The following NR3C1 variants were observed in gnomAD, a reference collection of about 807,000 sequenced individuals.
NR3C1 encodes glucocorticoid receptor.
NR3C1 carries 14 observed loss-of-function variants against 74.0 expected under a neutral mutation model. The ratio of observed to expected loss-of-function variants is 0.19; its 90% CI spans 0.12 to 0.30. The LOEUF (loss-of-function observed/expected upper bound fraction) is 0.30, where lower values mean the gene tolerates loss of function less well. Ranked by LOEUF, NR3C1 falls within the 10% of genes least tolerant of loss-of-function variation. The pLI, the probability that NR3C1 is intolerant of heterozygous loss-of-function variation, is 1.00. For missense variants in NR3C1, 695 were observed against 909.8 expected (o/e 0.76, Z 3.04); for synonymous variants, 308 against 332.5 (o/e 0.93, Z 0.80).
At chr5:143,294,966 A>G (rs1172735069) in intron 7 of NR3C1, 6 of 985,302 alleles carry the variant, frequency 6.1e-6, no homozygotes, top group African/African-American at 3.5e-5. Context: ...CATTTTCTAG[A>G]TAATGAATCT....
intron 1 of NR3C1, among the ~76,000 whole-genome samples, chr5:143,420,876 T>C (rs1349009400): frequency 6.6e-6 from 1 of 152,222 alleles, no homozygotes; most frequent in Non-Finnish European, 1.5e-5. Context: ...TTGGATATTT[T>C]ACACATTTTA....
At chr5:143,395,994 A>T (rs1343320594) in intron 2 of NR3C1, among the ~76,000 whole-genome samples, 1 of 151,936 alleles carries the variant, frequency 6.6e-6, no homozygotes, top group East Asian at 1.9e-4. Flanking sequence ...TCTTTCATAA[A>T]ATGTATAAAC....
chr5:143,384,022 C>T (rs965157186), intron 2 of NR3C1, among the ~76,000 whole-genome samples: 1 of 152,176 alleles, frequency 6.6e-6, no homozygotes, highest in Non-Finnish European at 1.5e-5. Context: ...TACAGTTCCA[C>T]AGGCTTCAAA....
intron 5 of NR3C1, among the ~76,000 whole-genome samples, chr5:143,299,567 T>A (rs1317400827): frequency 6.6e-6 from 1 of 152,132 alleles, no homozygotes; most frequent in Non-Finnish European, 1.5e-5. Flanking sequence ...TAACAATAAT[T>A]TACTTTATAT....
intron 2 of NR3C1, among the ~76,000 whole-genome samples, chr5:143,327,033 T>C (rs1409550578): frequency 6.6e-6 from 1 of 152,226 alleles, no homozygotes; most frequent in East Asian, 1.9e-4. Flanking sequence ...ATCTACATAT[T>C]CTGTAATCTT....
chr5:143,419,084 T>G (rs1173914726), intron 1 of NR3C1, among the ~76,000 whole-genome samples: 1 of 152,216 alleles, frequency 6.6e-6, no homozygotes, highest in African/African-American at 2.4e-5. Context: ...GAAATGCTCA[T>G]TGGAACATTT....
Position 143,279,024 on chromosome 5 carries a change from A to T in NR3C1, c.*2865T>A. ...CACAGAATACCTACAAACACTAAAA[A>T]TACTTTTCAGGATTTGTTGTGAGTA... is the stretch of plus-strand genomic sequence containing the variant. On this transcript the variant is annotated 3_prime_UTR_variant, in exon 9 of 9. Coordinates refer to ENST00000394464, the MANE Select transcript of NR3C1 (RefSeq NM_000176.3). The T allele has an allele frequency of 3.4e-6, 1 of 290,550 alleles. No homozygotes were observed. Among genetic ancestry groups the T allele is most frequent in the Non-Finnish European group, 6.3e-6 (1 of 157,658 alleles). 18.0% of individuals were successfully genotyped at this position (290,550 alleles called of 1,614,324 possible).
Position 143,281,841 on chromosome 5 carries a change from A to T in NR3C1, c.*48T>A. On this transcript the variant is annotated 3_prime_UTR_variant, in exon 9 of 9. Coordinates refer to ENST00000394464, the MANE Select transcript of NR3C1 (RefSeq NM_000176.3). ...GACAAACTGATAGTTTATACAATAA[A>T]AGCTATTAATTCGACTTTCTTTAAG... 6.4e-7 allele frequency: 1 copy of T among 1,554,358 alleles called. No individual in the cohort carries two copies. Among genetic ancestry groups the T allele is most frequent in the Non-Finnish European group, 8.9e-7 (1 of 1,127,400 alleles).
chr5:143,355,631 C>T (rs530916767), intron 2 of NR3C1, among the ~76,000 whole-genome samples: 13 of 152,094 alleles, frequency 8.5e-5, no homozygotes, highest in Admixed American at 6.5e-4. Context: ...AAATGTGATC[C>T]TAAATAAATC....
At chr5:143,346,643 T>G (rs1829344025) in intron 2 of NR3C1, among the ~76,000 whole-genome samples, 1 of 152,234 alleles carries the variant, frequency 6.6e-6, no homozygotes, top group African/African-American at 2.4e-5. Context: ...AAATAATGTT[T>G]ATATCCTAGT....
At chr5:143,333,660 C>T (rs1826480171) in intron 2 of NR3C1, among the ~76,000 whole-genome samples, 1 of 151,962 alleles carries the variant, frequency 6.6e-6, no homozygotes, top group East Asian at 1.9e-4. Flanking sequence ...CCCAGCTACT[C>T]GAGAGGCTAA....
At chr5:143,296,772 T>C (rs1817341170) in intron 6 of NR3C1, among the ~76,000 whole-genome samples, 1 of 151,722 alleles carries the variant, frequency 6.6e-6, no homozygotes, top group South Asian at 2.1e-4. Context: ...GGAAACATAG[T>C]GGGCTAAGAA....
chr5:143,425,264 A>G (rs1358149330), intron 1 of NR3C1, among the ~76,000 whole-genome samples: 11 of 152,198 alleles, frequency 7.2e-5, no homozygotes, highest in Non-Finnish European at 1.5e-5. Context: ...TATAAAACTT[A>G]GAAGAAAGCA....
intron 2 of NR3C1, among the ~76,000 whole-genome samples, chr5:143,392,228 G>C (rs1838372066): frequency 6.6e-6 from 1 of 152,172 alleles, no homozygotes; most frequent in Non-Finnish European, 1.5e-5. Flanking sequence ...GCCTCCCAAA[G>C]TGCTGGGATT....
At chr5:143,354,922 C>CA (rs60607518) in intron 2 of NR3C1, among the ~76,000 whole-genome samples, 486 of 48,546 alleles carry the variant, frequency 0.01, 1 homozygote, top group African/African-American at 0.021. Context: ...AAGTCCGTCT[C>CA]AAAAAAAAAA....
chr5:143,297,075 C>CAAAAAAAA (rs766243522), intron 6 of NR3C1, among the ~76,000 whole-genome samples: 1 of 60,624 alleles, frequency 1.6e-5, no homozygotes, highest in East Asian at 5.0e-4. Context: ...AGACTCGTCT[C>CAAAAAAAA]AAAAAAAAAA....
chr5:143,354,434 C>T (rs1288704278), intron 2 of NR3C1, among the ~76,000 whole-genome samples: 1 of 152,108 alleles, frequency 6.6e-6, no homozygotes, highest in Non-Finnish European at 1.5e-5. Flanking sequence ...AGACATGCAA[C>T]TCTTTCACTT....
chr5:143,306,156 T>G (rs1561522386), intron 4 of NR3C1, among the ~76,000 whole-genome samples: 1 of 152,304 alleles, frequency 6.6e-6, no homozygotes, highest in East Asian at 1.9e-4. Flanking sequence ...TCTTAAATGC[T>G]AGGCCCTTTA....
At chr5:143,321,029 C>A (rs1823257505) in intron 2 of NR3C1, among the ~76,000 whole-genome samples, 1 of 152,090 alleles carries the variant, frequency 6.6e-6, no homozygotes, top group Non-Finnish European at 1.5e-5. Flanking sequence ...TTTTTGATCG[C>A]ATAGTTATTT....
Sources: gnomAD v4.1 joint callset for allele counts (sites outside exome capture counted in the v4.1 genomes callset) on GRCh38, gnomAD v4.1.1 for gene constraint, MANE v1.5 for transcripts, NCBI Gene and HGNC (gene_info 2026-07-23, HGNC 2026-07-21) for gene names.